Variants in GSG1L observed in about 807,000 individuals in gnomAD.
GSG1L encodes GSG1 like.
A neutral mutation model predicts 42.1 loss-of-function variants in GSG1L; 24 were observed. That is an observed-to-expected ratio of 0.57 (90% CI 0.41 to 0.80). GSG1L has a LOEUF of 0.80. Among genes scored for constraint, GSG1L ranks in the 30% least tolerant of loss-of-function variants. GSG1L has a pLI of 0.00. For synonymous variants in GSG1L, 215 were observed against 203.5 expected, an observed-to-expected ratio of 1.06 and a Z score of -0.48; for missense variants, 445 against 472.2, an observed-to-expected ratio of 0.94 and a Z score of 0.53.
chr16:27,970,568 T>A (rs558029628), intron 1 of GSG1L, among the ~76,000 whole-genome samples: 2 of 150,584 alleles, frequency 1.3e-5, no homozygotes, highest in African/African-American at 4.9e-5. Flanking sequence ...TGAGACTCCA[T>A]CTAAAAAAAG....
At chr16:27,794,613 GA>G (rs903885999) in intron 6 of GSG1L, among the ~76,000 whole-genome samples, 2 of 152,166 alleles carry the variant, frequency 1.3e-5, no homozygotes, top group African/African-American at 4.8e-5. Flanking sequence ...TTACAGGCTT[GA>G]GCCACCGCGC....
chr16:28,021,320 T>G (rs2085840375), intron 1 of GSG1L, among the ~76,000 whole-genome samples: 1 of 152,150 alleles, frequency 6.6e-6, no homozygotes, highest in African/African-American at 2.4e-5. Flanking sequence ...AGACAGAAGT[T>G]AAATCATTTG....
At chr16:28,014,619 T>C (rs28406847) in intron 1 of GSG1L, among the ~76,000 whole-genome samples, 3 of 151,142 alleles carry the variant, frequency 2.0e-5, no homozygotes, top group Admixed American at 2.0e-4. Flanking sequence ...TCCTCTCATC[T>C]CAGCCTCCCA....
chr16:27,867,785 T>TCCTGAGGCCACGCCC (rs11270819), intron 3 of GSG1L, among the ~76,000 whole-genome samples: 33 of 147,450 alleles, frequency 2.2e-4, no homozygotes, highest in Admixed American at 4.7e-4. Flanking sequence ...CTCGGCTTCC[T>TCCTGAGGCCACGCCC]CCTGAGGCCA....
At chr16:27,862,684 C>T (rs1315322876) in intron 3 of GSG1L, among the ~76,000 whole-genome samples, 2 of 152,280 alleles carry the variant, frequency 1.3e-5, no homozygotes, top group African/African-American at 4.8e-5. Flanking sequence ...CCAAACCAGG[C>T]CATGCATTTG....
chr16:28,044,975 G>C (rs547377045), intron 1 of GSG1L, among the ~76,000 whole-genome samples: 2 of 152,192 alleles, frequency 1.3e-5, no homozygotes, highest in African/African-American at 2.4e-5. Context: ...GCTACATCCT[G>C]TGTGATTCCA....
At chr16:27,852,267 G>T (rs1276820575) in intron 3 of GSG1L, among the ~76,000 whole-genome samples, 1 of 152,194 alleles carries the variant, frequency 6.6e-6, no homozygotes. Flanking sequence ...CAGAAAGATG[G>T]GGCAGGAGGG....
chr16:27,861,721 G>C (rs2083654900), intron 3 of GSG1L, among the ~76,000 whole-genome samples: 1 of 152,026 alleles, frequency 6.6e-6, no homozygotes, highest in Non-Finnish European at 1.5e-5. Flanking sequence ...ATACCCCAAA[G>C]CATATTCCTG....
intron 5 of GSG1L, among the ~76,000 whole-genome samples, chr16:27,813,287 T>C (rs1235662609): frequency 1.7e-5 from 2 of 118,430 alleles, no homozygotes; most frequent in African/African-American, 5.6e-5. Context: ...TGTTCCCTCA[T>C]CATTTAGCTC....
chr16:27,930,859 A>C (rs2084649196), intron 2 of GSG1L, among the ~76,000 whole-genome samples: 1 of 151,980 alleles, frequency 6.6e-6, no homozygotes, highest in Non-Finnish European at 1.5e-5. Context: ...CTAGTAGTGG[A>C]GACTACAGAC....
At position 28,063,051 on chromosome 16, in the gene GSG1L, C is replaced by A. The variant is rs778763137; in HGVS notation, c.349+25G>T. 2.3e-5 allele frequency: 32 copies of A among 1,391,208 alleles called. No homozygotes were observed. The highest frequency in any genetic ancestry group is 2.9e-5 in the Non-Finnish European group (31 of 1,066,566). The allele number at this position is 1,391,208 out of a possible 1,614,324, so 86.2% of individuals were successfully genotyped here. A position where few individuals can be genotyped will look rare whatever the true frequency, so the allele number is the denominator to read the frequency against. On this transcript the variant is annotated intron_variant, in intron 1 of 6. Coordinates refer to ENST00000447459, the MANE Select transcript of GSG1L (RefSeq NM_001109763.2). This position sits in a 1 kb window ranked among gnomAD's most constrained non-coding sequence, Gnocchi z 5.8. The stretch of plus-strand genomic sequence containing the variant: ...CCGCCCCGGGGGAGCCGGAGCCGAG[C>A]TGGCCGCCGCCCGCGCGCACTCACC...
At chr16:27,969,363 A>C (rs2085167511) in intron 1 of GSG1L, among the ~76,000 whole-genome samples, 1 of 152,180 alleles carries the variant, frequency 6.6e-6, no homozygotes, top group Admixed American at 6.5e-5. Flanking sequence ...TGTAAATGGA[A>C]TCTTACAATA....
chr16:28,050,088 G>GATGA lies in GSG1L; in HGVS notation c.349+12984_349+12987dup, dbSNP rs1213176973. ...GACAGAATAGGTGTTTAATAGATGT[G>GATGA]ATGAATGAATGAATGAATGAATGAA... On this transcript the variant is annotated intron_variant, in intron 1 of 6. Transcript: ENST00000447459. 3.7e-3 allele frequency among the ~76,000 whole-genome samples: 569 copies of GATGA among 152,064 alleles called. 1 individual carries two copies. Among genetic ancestry groups the GATGA allele is most frequent in the African/African-American group, 0.012 (486 of 41,492 alleles).
At position 27,883,535 on chromosome 16, in the gene GSG1L, T is replaced by C. The variant is rs142479768; in HGVS notation, c.550+951A>G. Among the ~76,000 whole-genome samples, 465 of 152,334 alleles carry C rather than the reference T, an allele frequency of 3.1e-3. 2 individuals carry two copies. The highest frequency in any genetic ancestry group is 0.01 in the African/African-American group (432 of 41,570). ...ATTTGAAAGATCCCTCTGTCAAATG[T>C]ACATACCTCAATTAGGAGAGATTAC... On this transcript the variant is annotated intron_variant, in intron 3 of 6. Transcript: ENST00000447459.
chr16:27,847,352 G>C (rs2083455475), intron 3 of GSG1L, among the ~76,000 whole-genome samples: 1 of 152,190 alleles, frequency 6.6e-6, no homozygotes, highest in Admixed American at 6.5e-5. Context: ...ATGTTGGCCA[G>C]GGAGCCAGAG....
chr16:27,972,089 C>T (rs1366864687), intron 1 of GSG1L, among the ~76,000 whole-genome samples: 1 of 152,230 alleles, frequency 6.6e-6, no homozygotes, highest in African/African-American at 2.4e-5. Context: ...GATGTTCCCA[C>T]CATGGACAGC....
At chr16:28,041,643 T>G (rs2086107244) in intron 1 of GSG1L, among the ~76,000 whole-genome samples, 1 of 152,180 alleles carries the variant, frequency 6.6e-6, no homozygotes, top group Non-Finnish European at 1.5e-5. Context: ...TCTTCCCTCT[T>G]ATTTATCCAA....
intron 3 of GSG1L, among the ~76,000 whole-genome samples, chr16:27,853,415 T>C (rs993265523): frequency 5.3e-5 from 8 of 152,220 alleles, no homozygotes; most frequent in African/African-American, 1.7e-4. Flanking sequence ...AAGTTCCTCC[T>C]TACACATAAC....
At chr16:28,031,154 G>C (rs2085957796) in intron 1 of GSG1L, among the ~76,000 whole-genome samples, 1 of 147,722 alleles carries the variant, frequency 6.8e-6, no homozygotes, top group Non-Finnish European at 1.5e-5. Context: ...AATGGGATGG[G>C]ATGGGTTGAG....
Sources: allele counts gnomAD v4.1 joint callset (sites outside exome capture counted in the v4.1 genomes callset), GRCh38; gene constraint gnomAD v4.1.1; non-coding constraint Gnocchi (gnomAD v3.1); transcripts MANE v1.5; gene names NCBI Gene and HGNC (gene_info 2026-07-23, HGNC 2026-07-21).